The following RBFOX1 variants were observed in gnomAD, a reference collection of about 807,000 sequenced individuals.
The protein encoded by RBFOX1 is RNA binding protein fox-1 homolog 1.
In RBFOX1, 8 loss-of-function variants were observed where a neutral mutation model predicts 57.7. The observed-to-expected ratio is 0.14, with a 90% CI of 0.08 to 0.25. The LOEUF (loss-of-function observed/expected upper bound fraction) is 0.25. RBFOX1 is among the 10% of genes least tolerant of loss of function. The pLI, the probability that RBFOX1 is intolerant of heterozygous loss-of-function variation, is 1.00. For missense variants in RBFOX1, 611 were observed against 548.5 expected, an observed-to-expected ratio of 1.11 and a Z score of -1.14; for synonymous variants, 326 against 222.4, an observed-to-expected ratio of 1.47 and a Z score of -4.15.
chr16:7,710,456 C>T, intron 15 of RBFOX1, 167 bp from the exon 16 acceptor site: 4 of 1,459,110 alleles, frequency 2.7e-6, no homozygotes, highest in African/African-American at 1.5e-5. Flanking sequence ...TGGGGAAGGT[C>T]AGGAATGGCC....
At chr16:6,131,213 G>T (rs937415217) in intron 1 of RBFOX1, among the ~76,000 whole-genome samples, 1 of 152,150 alleles carries the variant, frequency 6.6e-6, no homozygotes, top group East Asian at 1.9e-4. Flanking sequence ...GTGTTTGATC[G>T]GAGTGTTAGT....
chr16:6,547,659 G>C (rs756737068), intron 2 of RBFOX1, among the ~76,000 whole-genome samples: 1 of 152,084 alleles, frequency 6.6e-6, no homozygotes, highest in Admixed American at 6.5e-5. Context: ...TAGTAAATGT[G>C]ATCGCTTTTT....
rs1403102455 is a variant in RBFOX1 at position 6,629,894 on chromosome 16, A to G, written c.-63-24709A>G. Among the ~76,000 whole-genome samples, 5 of 150,068 alleles carry G rather than the reference A, an allele frequency of 3.3e-5. No homozygotes were observed. The East Asian group carries it at 5.9e-4, about 18-fold the overall frequency. On this transcript the variant is annotated intron_variant, in intron 2 of 15. Coordinates refer to ENST00000550418, the MANE Select transcript of RBFOX1 (RefSeq NM_018723.4). ...TAGCTTAATGTTATGAAGGACCTGG[A>G]CTAACTCATTTTAATGACCTCTGCT...
intron 11 of RBFOX1, among the ~76,000 whole-genome samples, chr16:7,643,707 G>C (rs567070548): frequency 1.3e-5 from 2 of 152,266 alleles, no homozygotes; most frequent in East Asian, 3.9e-4. Flanking sequence ...GTAAACCCTA[G>C]TGGCAAAGGG....
intron 4 of RBFOX1, among the ~76,000 whole-genome samples, chr16:7,206,976 G>T (rs1201404211): frequency 1.3e-5 from 2 of 152,114 alleles, no homozygotes; most frequent in East Asian, 3.9e-4. Flanking sequence ...GAGCTTCATG[G>T]CCTTTTGCAG....
intron 1 of RBFOX1, among the ~76,000 whole-genome samples, chr16:6,137,230 C>T (rs931187587): frequency 7.2e-5 from 11 of 152,164 alleles, no homozygotes; most frequent in Admixed American, 5.2e-4. Context: ...AGATATCTGC[C>T]ATTTATTGAA....
chr16:7,449,235 T>G (rs1170940800), intron 4 of RBFOX1, among the ~76,000 whole-genome samples: 1 of 152,012 alleles, frequency 6.6e-6, no homozygotes, highest in Non-Finnish European at 1.5e-5. Context: ...AGCCTGACAT[T>G]TTTCAAATAA....
chr16:6,659,565 A>G (rs76906053), intron 3 of RBFOX1, among the ~76,000 whole-genome samples: 5,553 of 152,252 alleles, frequency 0.036, 255 homozygotes, highest in East Asian at 0.1. Flanking sequence ...GCTCAGGCAC[A>G]TTTAAGTGAC....
intron 4 of RBFOX1, among the ~76,000 whole-genome samples, chr16:7,465,356 A>G (rs2060320299): frequency 6.6e-6 from 1 of 152,204 alleles, no homozygotes; most frequent in South Asian, 2.1e-4. Flanking sequence ...TAGGCGCCAT[A>G]AGGGCGGAGA....
At chr16:6,015,761 C>T (rs72772803), upstream of RBFOX1, among the ~76,000 whole-genome samples, 14,983 of 152,276 alleles carry the variant, frequency 0.098, 889 homozygotes, top group East Asian at 0.14. Context: ...CTCTAGAATG[C>T]TTTGCCTGAC....
At chr16:7,465,607 C>T (rs2060374434) in intron 4 of RBFOX1, among the ~76,000 whole-genome samples, 1 of 152,200 alleles carries the variant, frequency 6.6e-6, no homozygotes, top group Non-Finnish European at 1.5e-5. Context: ...TCACTAGCTT[C>T]CAAGATTTGT....
chr16:7,436,247 A>G (rs1361186101), intron 4 of RBFOX1, among the ~76,000 whole-genome samples: 1 of 152,152 alleles, frequency 6.6e-6, no homozygotes, highest in Non-Finnish European at 1.5e-5. Flanking sequence ...TTGACAATGA[A>G]TCGTGAGCAT....
chr16:6,109,153 CGT>C (rs1295317045), intron 1 of RBFOX1, among the ~76,000 whole-genome samples: 1 of 152,118 alleles, frequency 6.6e-6, no homozygotes, highest in African/African-American at 2.4e-5. Flanking sequence ...TCAGTGGGGG[CGT>C]TTTCTGAATC....
intron 1 of RBFOX1, among the ~76,000 whole-genome samples, chr16:5,321,994 C>G (rs2064423243): frequency 6.6e-6 from 1 of 152,136 alleles, no homozygotes; most frequent in Non-Finnish European, 1.5e-5. Context: ...ATCTAACCAT[C>G]TGTGGTAGAT....
intron 3 of RBFOX1, among the ~76,000 whole-genome samples, chr16:6,767,066 T>C (rs1249063668): frequency 6.6e-6 from 1 of 152,124 alleles, no homozygotes; most frequent in African/African-American, 2.4e-5. Context: ...ATCTATTCAG[T>C]ATCCATTTCC....
chr16:7,030,286 A>T (rs1026851868), intron 3 of RBFOX1, among the ~76,000 whole-genome samples: 7 of 152,162 alleles, frequency 4.6e-5, no homozygotes, highest in African/African-American at 1.7e-4. Context: ...CAGGACTTTC[A>T]TACCCATTTT....
At chr16:5,816,885 G>A (rs1039222193) in intron 3 of RBFOX1, among the ~76,000 whole-genome samples, 8 of 152,154 alleles carry the variant, frequency 5.3e-5, no homozygotes, top group African/African-American at 1.9e-4. Flanking sequence ...TGTGTACATA[G>A]TAGGTGTACA....
chr16:6,901,401 C>G (rs537023096), intron 3 of RBFOX1, among the ~76,000 whole-genome samples: 2 of 152,100 alleles, frequency 1.3e-5, no homozygotes, highest in African/African-American at 2.4e-5. Flanking sequence ...GACGTTCCTA[C>G]TACCTTTGGG....
At position 5,902,712 on chromosome 16, in the gene RBFOX1, G is replaced by A. The variant is rs1487642012; in HGVS notation, c.351+35377G>A. ...ATTACAAGCATGAGCCACCGTGCCC[G>A]GCCTTATTTAATCATAGAGGACAAG... On this transcript the variant is annotated intron_variant, in intron 4 of 19. Coordinates refer to the RBFOX1 transcript ENST00000641259. Among the ~76,000 whole-genome samples the A allele has an allele frequency of 2.6e-5, 4 of 152,192 alleles. No individual in the cohort carries two copies. In the East Asian group the frequency reaches 5.8e-4, roughly 22 times the overall value.
Sources: allele counts gnomAD v4.1 joint callset (sites outside exome capture counted in the v4.1 genomes callset), GRCh38; gene constraint gnomAD v4.1.1; transcripts MANE v1.5; gene names NCBI Gene and HGNC (gene_info 2026-07-23, HGNC 2026-07-21).